The following PPP2R2B variants were observed in gnomAD, a reference collection of about 807,000 sequenced individuals.
PPP2R2B encodes the protein protein phosphatase 2 regulatory subunit Bbeta.
A neutral mutation model predicts 46.0 loss-of-function variants in PPP2R2B; 5 were observed. That is an observed-to-expected ratio of 0.11 (90% confidence interval 0.06 to 0.23). The LOEUF is 0.23. Ranked by LOEUF, PPP2R2B falls within the 10% of genes least tolerant of loss-of-function variation. The pLI, the probability that PPP2R2B is intolerant of heterozygous loss-of-function variation, is 1.00. For missense variants in PPP2R2B, 367 were observed against 575.0 expected, an observed-to-expected ratio of 0.64 and a Z score of 3.70; for synonymous variants, 215 against 206.7, an observed-to-expected ratio of 1.04 and a Z score of -0.34.
intron 2 of PPP2R2B, among the ~76,000 whole-genome samples, chr5:146,864,310 G>T (rs1761180438): frequency 7.0e-6 from 1 of 142,066 alleles, no homozygotes; most frequent in Non-Finnish European, 1.5e-5. Context: ...GAGATGTCTG[G>T]AAGTCTAAAG....
chr5:146,994,999 T>A (rs1278360461), intron 1 of PPP2R2B, among the ~76,000 whole-genome samples: 1 of 152,184 alleles, frequency 6.6e-6, no homozygotes, highest in Non-Finnish European at 1.5e-5. Flanking sequence ...CTGAGGTGGG[T>A]GCAGAAGAGA....
At chr5:146,843,852 G>A (rs1026691159) in intron 2 of PPP2R2B, among the ~76,000 whole-genome samples, 3 of 151,780 alleles carry the variant, frequency 2.0e-5, no homozygotes, top group African/African-American at 7.3e-5. Flanking sequence ...GTCTATCATT[G>A]TTGGACATTT....
chr5:147,045,852 G>C (rs751940310), intron 1 of PPP2R2B, among the ~76,000 whole-genome samples: 2 of 151,920 alleles, frequency 1.3e-5, no homozygotes, highest in African/African-American at 2.4e-5. Context: ...CTGGGGACTG[G>C]GCCTTGCAAA....
intron 5 of PPP2R2B, among the ~76,000 whole-genome samples, chr5:146,676,563 G>A (rs1038967242): frequency 5.3e-5 from 8 of 152,124 alleles, no homozygotes; most frequent in African/African-American, 1.9e-4. Flanking sequence ...AATTGCTCAG[G>A]AAATTATCCT....
intron 1 of PPP2R2B, among the ~76,000 whole-genome samples, chr5:146,960,494 T>C (rs1388497835): frequency 6.6e-6 from 1 of 152,128 alleles, no homozygotes; most frequent in African/African-American, 2.4e-5. Context: ...TTCACCATGT[T>C]GGTCAGGCTG....
chr5:147,078,784 G>A (rs1190139420), intron 2 of PPP2R2B, among the ~76,000 whole-genome samples: 1 of 150,206 alleles, frequency 6.7e-6, no homozygotes, highest in Non-Finnish European at 1.5e-5. Context: ...CTCCAGCCTG[G>A]GTGGCAGAGC....
intron 1 of PPP2R2B, among the ~76,000 whole-genome samples, chr5:146,931,105 A>T (rs1450212816): frequency 6.6e-6 from 1 of 152,126 alleles, no homozygotes; most frequent in African/African-American, 2.4e-5. Flanking sequence ...TATACTCTAT[A>T]CTTCTATAGT....
intron 1 of PPP2R2B, among the ~76,000 whole-genome samples, chr5:146,934,812 C>G (rs1419701009): frequency 2.0e-5 from 3 of 151,168 alleles, no homozygotes; most frequent in Non-Finnish European, 4.4e-5. Flanking sequence ...GACTATTATT[C>G]TAACAACATA....
intron 1 of PPP2R2B, among the ~76,000 whole-genome samples, chr5:146,910,101 T>G (rs548803613): frequency 1.4e-4 from 22 of 152,368 alleles, no homozygotes; most frequent in African/African-American, 5.0e-4. Context: ...CTACAACTTA[T>G]CAGTTTTCAT....
intron 2 of PPP2R2B, among the ~76,000 whole-genome samples, chr5:146,812,121 C>T (rs529891427): frequency 7.9e-5 from 12 of 152,018 alleles, no homozygotes; most frequent in South Asian, 2.1e-4. Flanking sequence ...AGTTCTGTGA[C>T]GTGTGGAAGT....
chr5:146,762,956 T>C (rs755704476), intron 2 of PPP2R2B, among the ~76,000 whole-genome samples: 3 of 152,224 alleles, frequency 2.0e-5, no homozygotes, highest in Non-Finnish European at 4.4e-5. Context: ...AGTTCTCTAG[T>C]TGAGCCTCTG....
chr5:147,065,984 G>A (rs1757404097), intron 2 of PPP2R2B, among the ~76,000 whole-genome samples: 1 of 152,072 alleles, frequency 6.6e-6, no homozygotes, highest in South Asian at 2.1e-4. Context: ...ACCTGATCAA[G>A]GACCCACACC....
intron 1 of PPP2R2B, among the ~76,000 whole-genome samples, chr5:146,983,932 T>A (rs527369581): frequency 6.7e-4 from 102 of 152,090 alleles, no homozygotes; most frequent in Non-Finnish European, 3.1e-4. Context: ...AATTTTCCCT[T>A]TATTCTTTCT....
At position 146,744,798 on chromosome 5, in the gene PPP2R2B, C is replaced by T. The variant is rs1010251983; in HGVS notation, c.71-43656G>A. On this transcript the variant is annotated intron_variant, in intron 2 of 9. Transcript: ENST00000394411. ...CTTGCTTTTCCTTTAAGCAGGCTAT[C>T]TACTTCTTATTCTGCCTAGCCAGCT... Among the ~76,000 whole-genome samples, 4 of 152,288 alleles carry T rather than the reference C, an allele frequency of 2.6e-5. No individual in the cohort carries two copies. The South Asian group carries it at 8.3e-4, about 32-fold the overall frequency.
At chr5:146,637,772 T>G (rs452454) in intron 7 of PPP2R2B, among the ~76,000 whole-genome samples, 2 of 152,024 alleles carry the variant, frequency 1.3e-5, no homozygotes, top group Admixed American at 6.5e-5. Flanking sequence ...CAGCCTCCCA[T>G]GCAGTTCAGC....
intron 1 of PPP2R2B, among the ~76,000 whole-genome samples, chr5:146,929,090 A>G (rs990028526): frequency 6.6e-6 from 1 of 152,056 alleles, no homozygotes; most frequent in Non-Finnish European, 1.5e-5. Context: ...CCCACCCTGT[A>G]TTTATAATTG....
intron 7 of PPP2R2B, among the ~76,000 whole-genome samples, chr5:146,619,447 C>G (rs1419991368): frequency 2.0e-5 from 3 of 152,122 alleles, no homozygotes; most frequent in African/African-American, 7.2e-5. Context: ...CAAAGCAAGA[C>G]TCTCTCAAAA....
At chr5:146,994,598 GTA>G (rs1254661794) in intron 1 of PPP2R2B, among the ~76,000 whole-genome samples, 1 of 152,122 alleles carries the variant, frequency 6.6e-6, no homozygotes, top group Non-Finnish European at 1.5e-5. Flanking sequence ...AGCCACTATA[GTA>G]TTTATCCACC....
intron 1 of PPP2R2B, among the ~76,000 whole-genome samples, chr5:146,907,579 CT>C (rs1486901846): frequency 3.4e-4 from 52 of 152,380 alleles, no homozygotes; most frequent in African/African-American, 1.1e-3. Flanking sequence ...AACATCCCCC[CT>C]GAGGCCAACC....
Sources: allele counts gnomAD v4.1 joint callset (sites outside exome capture counted in the v4.1 genomes callset), GRCh38; gene constraint gnomAD v4.1.1; transcripts MANE v1.5; gene names NCBI Gene and HGNC (gene_info 2026-07-23, HGNC 2026-07-21).